Variants in ATG14 observed in about 807,000 individuals in gnomAD.
ATG14 encodes beclin 1-associated autophagy-related key regulator.
Under a neutral mutation model 60.4 loss-of-function variants are expected in ATG14, and 35 were observed. The ratio of observed to expected loss-of-function variants is 0.58; its 90% CI spans 0.44 to 0.77. The LOEUF (loss-of-function observed/expected upper bound fraction) is 0.77. ATG14 is among the 30% of genes least tolerant of loss of function. The pLI is 0.00. For synonymous variants in ATG14, 234 were observed against 228.8 expected, an observed-to-expected ratio of 1.02 and a Z score of -0.21; for missense variants, 647 against 626.3, an observed-to-expected ratio of 1.03 and a Z score of -0.35.
At chr14:55,370,317 G>T in intron 9 of ATG14, among the ~76,000 whole-genome samples, 1 of 152,178 alleles carries the variant, frequency 6.6e-6, no homozygotes. Context: ...GCCACTTGAT[G>T]TATACTCTGG....
Position 55,368,670 on chromosome 14 carries a change from C to G in ATG14, c.*949G>C, listed in dbSNP as rs1884740621. On this transcript the variant is annotated 3_prime_UTR_variant, in exon 10 of 10. Coordinates refer to ENST00000247178, the MANE Select transcript of ATG14 (RefSeq NM_014924.5). ...GTAGGATGGTTTCCCCTGAAAACAC[C>G]TGCCACCTACTCAATCCCATAGAAA... 6.6e-6 allele frequency: 1 copy of G among 152,194 alleles called. No homozygotes were observed. Among genetic ancestry groups the G allele is most frequent in the East Asian group, 1.9e-4 (1 of 5,194 alleles). The allele number at this position is 152,194 out of a possible 1,614,324, so 9.4% of individuals were successfully genotyped here.
In ATG14 at chr14:55,367,557, A is replaced by T. The variant is rs1884708216; in HGVS notation, c.*2062T>A. 6.6e-6 allele frequency: 1 copy of T among 152,250 alleles called. No homozygotes were observed. Among genetic ancestry groups the T allele is most frequent in the South Asian group, 2.1e-4 (1 of 4,832 alleles). 9.4% of individuals were successfully genotyped at this position (152,250 alleles called of 1,614,324 possible). On this transcript the variant is annotated 3_prime_UTR_variant, in exon 10 of 10. Transcript: ENST00000247178. ...CAGGAGTTCAAGACCAGCCTGGCCA[A>T]CATGGTGAAAACCCCCGTCTTTACT...
rs573175318 is a variant in ATG14 at position 55,400,909 on chromosome 14, T to TAAAATA, written c.222-3476_222-3475insTATTTT. Reference sequence around the variant, plus strand: ...ACAGAGTGAGACTGTCTCAAATAAATAAATAAAATAAAATAAAATAAAATA... The same window carrying TAAAATA: ...ACAGAGTGAGACTGTCTCAAATAAATAAAATAAAATAAAATAAAATAAAATAAAATA... On this transcript the variant is annotated intron_variant, in intron 1 of 9. Transcript: ENST00000247178. Among the ~76,000 whole-genome samples, 359 of 143,350 alleles carry TAAAATA rather than the reference T, an allele frequency of 2.5e-3. 1 individual carries two copies. Among genetic ancestry groups the TAAAATA allele is most frequent in the African/African-American group, 9.0e-3 (340 of 37,830 alleles). 94.0% of individuals were successfully genotyped at this position (143,350 alleles called of 152,430 possible).
intron 1 of ATG14, among the ~76,000 whole-genome samples, chr14:55,408,369 C>T (rs1296163084): frequency 6.6e-6 from 1 of 152,110 alleles, no homozygotes; most frequent in African/African-American, 2.4e-5. Flanking sequence ...ACAGGAGAAT[C>T]GCTTGAGAAC....
intron 4 of ATG14, among the ~76,000 whole-genome samples, chr14:55,389,832 A>T (rs1885183763): frequency 6.6e-6 from 1 of 152,222 alleles, no homozygotes; most frequent in Non-Finnish European, 1.5e-5. Flanking sequence ...CTTGGGGCAA[A>T]TGGGAAGTGG....
At chr14:55,381,915 T>C in intron 6 of ATG14, 47 bp downstream of exon 6, 1 of 1,520,560 alleles carries the variant, frequency 6.6e-7, no homozygotes, top group South Asian at 1.1e-5. Context: ...CAATTTTACC[T>C]ATAACTCTCT....
chr14:55,377,282 G>A (rs1884935575), intron 9 of ATG14, among the ~76,000 whole-genome samples: 1 of 152,162 alleles, frequency 6.6e-6, no homozygotes, highest in African/African-American at 2.4e-5. Flanking sequence ...AGGAGGTGGA[G>A]GTTGCAGTGA....
intron 1 of ATG14, 115 bp downstream of exon 1, chr14:55,411,487 C>T (rs917169775): frequency 4.9e-6 from 5 of 1,027,666 alleles, no homozygotes; most frequent in Non-Finnish European, 7.0e-6. Context: ...CCCTCTCTCT[C>T]GCTCCTCTCG....
chr14:55,381,926 CTA>C, intron 6 of ATG14, 34 bp downstream of exon 6: 1 of 1,558,016 alleles, frequency 6.4e-7, no homozygotes, highest in Non-Finnish European at 8.8e-7. Context: ...ATAACTCTCT[CTA>C]TATATAGATT....
rs1884948400 is a variant in ATG14 at position 55,377,826 on chromosome 14, G to A, written c.1165C>T (p.Leu389=). ...MYLVSPSSEH[L]GRSGPFEVRA... is the part of the protein sequence containing the mutation. ...CAACAAATATCTTCTTACCTGCCTA[G>A]GTGTTCAGAGCTTGGACTGACCAGG... Residue 389 remains leucine (L), a synonymous_variant, in exon 9 of 10, where the codon CTA becomes TTA. Transcript: ENST00000247178. The A allele has an allele frequency of 1.3e-6, 2 of 1,577,854 alleles. No individual in the cohort carries two copies. Among genetic ancestry groups the A allele is most frequent in the African/African-American group, 2.8e-5 (2 of 72,724 alleles).
chr14:55,377,767 T>C (rs1020128446), intron 9 of ATG14, 52 bp downstream of exon 9: 7 of 1,366,326 alleles, frequency 5.1e-6, no homozygotes, highest in Admixed American at 2.3e-5. Flanking sequence ...ATACAACTCC[T>C]CTAACAGGAT....
intron 9 of ATG14, among the ~76,000 whole-genome samples, chr14:55,372,040 C>T (rs1884830543): frequency 6.6e-6 from 1 of 152,088 alleles, no homozygotes. Flanking sequence ...TTTTCCTTGG[C>T]AAACAGTTCT....
rs114927729 is a variant in ATG14 at position 55,378,559 on chromosome 14, C to A, written c.996-485G>T. 5.6e-3 allele frequency among the ~76,000 whole-genome samples: 860 copies of A among 152,270 alleles called. 12 individuals are homozygous for A. The highest frequency in any genetic ancestry group is 0.019 in the African/African-American group (785 of 41,550). On this transcript the variant is annotated intron_variant, in intron 7 of 9. Transcript: ENST00000247178. ...GACTTTGCAACTGCCATTCTTTTTACCCACAGCCTCTTTCCTTAGGGGTCC... is the reference window on the plus strand; with the variant it reads ...GACTTTGCAACTGCCATTCTTTTTAACCACAGCCTCTTTCCTTAGGGGTCC...
chr14:55,377,318 G>A (rs961645978), intron 9 of ATG14, among the ~76,000 whole-genome samples: 8 of 152,096 alleles, frequency 5.3e-5, no homozygotes, highest in Non-Finnish European at 1.0e-4. Context: ...CTGCACTCTA[G>A]CCTGGGTGAC....
Position 55,367,139 on chromosome 14 carries a change from T to C in ATG14, c.*2480A>G, listed in dbSNP as rs1031482413. 1 of 152,434 alleles carries C rather than the reference T, an allele frequency of 6.6e-6. No individual in the cohort carries two copies. Among genetic ancestry groups the C allele is most frequent in the African/African-American group, 2.4e-5 (1 of 41,470 alleles). The allele number at this position is 152,434 out of a possible 1,614,324, so 9.4% of individuals were successfully genotyped here. On this transcript the variant is annotated 3_prime_UTR_variant, in exon 10 of 10. Coordinates refer to ENST00000247178, the MANE Select transcript of ATG14 (RefSeq NM_014924.5). ...ATGAGTTTGTGATCTCTGGATTCTA[T>C]TCTTTAGCTTCATCTCTCATTCATG... is the stretch of plus-strand genomic sequence containing the variant.
chr14:55,397,532 G>C, intron 1 of ATG14, 98 bp from the exon 2 acceptor site: 2 of 945,424 alleles, frequency 2.1e-6, no homozygotes, highest in African/African-American at 3.2e-5. Flanking sequence ...GCAGAGTCAT[G>C]TGAAAATGTC....
chr14:55,373,826 T>G (rs1884868758), intron 9 of ATG14, among the ~76,000 whole-genome samples: 1 of 152,010 alleles, frequency 6.6e-6, no homozygotes, highest in Non-Finnish European at 1.5e-5. Flanking sequence ...AAAAAGTTTA[T>G]CTTTTCAGAA....
intron 1 of ATG14, 37 bp from the exon 2 acceptor site, chr14:55,397,471 C>T: frequency 6.5e-7 from 1 of 1,528,930 alleles, no homozygotes; most frequent in South Asian, 1.1e-5. Context: ...TTTAAATGGT[C>T]ATTTTTTCAG....
At chr14:55,407,842 G>C (rs1174062113) in intron 1 of ATG14, among the ~76,000 whole-genome samples, 1 of 152,148 alleles carries the variant, frequency 6.6e-6, no homozygotes, top group Non-Finnish European at 1.5e-5. Flanking sequence ...GTCAGGAAAG[G>C]CCTCACCGAA....
Sources: allele counts gnomAD v4.1 joint callset (sites outside exome capture counted in the v4.1 genomes callset), GRCh38; gene constraint gnomAD v4.1.1; transcripts MANE v1.5; gene names NCBI Gene and HGNC (gene_info 2026-07-23, HGNC 2026-07-21).